BBX: variants seen among roughly 807,000 people sequenced by gnomAD.
BBX encodes the protein BBX high mobility group box domain containing.
A neutral mutation model predicts 100.2 loss-of-function variants in BBX; 30 were observed. That is an observed-to-expected ratio of 0.30 (90% confidence interval 0.22 to 0.41). The LOEUF is 0.41. Among genes scored for constraint, BBX ranks in the 10% least tolerant of loss-of-function variants. BBX has a pLI of 1.00. For missense variants in BBX, 1,023 were observed against 1,129.8 expected, an observed-to-expected ratio of 0.91 and a Z score of 1.35; for synonymous variants, 376 against 388.1, an observed-to-expected ratio of 0.97 and a Z score of 0.37.
intron 2 of BBX, among the ~76,000 whole-genome samples, chr3:107,569,389 AT>A (rs1163615707): frequency 1.3e-5 from 2 of 151,064 alleles, no homozygotes; most frequent in Non-Finnish European, 3.0e-5. Context: ...TTTATTTTTT[AT>A]TTTTTTAATT....
chr3:107,538,688 C>T lies in BBX; in HGVS notation c.-84+12290C>T, dbSNP rs563191869. Among the ~76,000 whole-genome samples the T allele has an allele frequency of 7.2e-5, 11 of 152,086 alleles. 1 individual carries two copies. The South Asian group carries it at 2.3e-3, about 32-fold the overall frequency. On this transcript the variant is annotated intron_variant, in intron 2 of 17. Transcript: ENST00000325805. ...TTACAGATGGAAGCTTTAATATTCC[C>T]AGGTCTCTATATTAACTAATCAATG...
intron 17 of BBX, among the ~76,000 whole-genome samples, chr3:107,803,519 C>G (rs946949224): frequency 1.3e-5 from 2 of 152,200 alleles, no homozygotes; most frequent in African/African-American, 2.4e-5. Context: ...ATGAAAAAAT[C>G]TAACGTTAGG....
chr3:107,801,411 T>A, intron 17 of BBX, 130 bp downstream of exon 17: 1 of 934,670 alleles, frequency 1.1e-6, no homozygotes, highest in Non-Finnish European at 1.6e-6. Flanking sequence ...TTATATGAGG[T>A]ATTACAAAAG....
intron 15 of BBX, among the ~76,000 whole-genome samples, chr3:107,792,872 A>G (rs1042122525): frequency 1.3e-5 from 2 of 152,170 alleles, no homozygotes; most frequent in Non-Finnish European, 2.9e-5. Flanking sequence ...TGTTCTAAGT[A>G]CTTTGTTCTG....
intron 3 of BBX, 72 bp downstream of exon 3, chr3:107,645,981 G>T: frequency 6.5e-6 from 1 of 152,734 alleles, no homozygotes; most frequent in Non-Finnish European, 1.5e-5. Flanking sequence ...ATTATGTGCT[G>T]TCAGAGCTGG....
chr3:107,633,706 C>G (rs2056686682), intron 2 of BBX, among the ~76,000 whole-genome samples: 1 of 152,218 alleles, frequency 6.6e-6, no homozygotes, highest in Non-Finnish European at 1.5e-5. Context: ...GAAAGAATTT[C>G]CTCATACGGA....
chr3:107,614,209 C>T (rs2055077669), intron 2 of BBX, among the ~76,000 whole-genome samples: 1 of 152,038 alleles, frequency 6.6e-6, no homozygotes. Flanking sequence ...CTCGGCCTCC[C>T]AAAGTGCTGG....
rs1323599414 is a variant in BBX at position 107,561,281 on chromosome 3, T to C, written c.-84+34883T>C. 2.0e-5 allele frequency among the ~76,000 whole-genome samples: 3 copies of C among 152,218 alleles called. No individual in the cohort carries two copies. The East Asian group carries it at 5.8e-4, about 29-fold the overall frequency. On this transcript the variant is annotated intron_variant, in intron 2 of 17. Coordinates refer to ENST00000325805, the MANE Select transcript of BBX (RefSeq NM_001142568.3). ...CTTAGGACAGATTGTCCTGGTTATG[T>C]AGAATCCATTCCAAGTGAGGACACA...
At position 107,554,175 on chromosome 3, in the gene BBX, A is replaced by G. The variant is rs566643274; in HGVS notation, c.-84+27777A>G. ...CGGGTATGGGGAAGGCTGTTCCTTT[A>G]CTGGAGAACAGAAGCTGAACATGAA... On this transcript the variant is annotated intron_variant, in intron 2 of 17. Coordinates refer to ENST00000325805, the MANE Select transcript of BBX (RefSeq NM_001142568.3). Among the ~76,000 whole-genome samples the G allele has an allele frequency of 3.5e-4, 54 of 152,334 alleles. 1 individual carries two copies. The highest frequency in any genetic ancestry group is 2.3e-3 in the Admixed American group (35 of 15,310).
At chr3:107,597,252 A>G (rs1189792220) in intron 2 of BBX, among the ~76,000 whole-genome samples, 1 of 152,064 alleles carries the variant, frequency 6.6e-6, no homozygotes, top group African/African-American at 2.4e-5. Context: ...TCCACATTTT[A>G]TCTTTATATA....
At chr3:107,577,026 A>G (rs906291562) in intron 2 of BBX, among the ~76,000 whole-genome samples, 3 of 151,914 alleles carry the variant, frequency 2.0e-5, no homozygotes, top group African/African-American at 7.3e-5. Flanking sequence ...ATGCCCAGCT[A>G]ATTTTTGTAT....
intron 2 of BBX, among the ~76,000 whole-genome samples, chr3:107,562,553 C>G (rs2107480274): frequency 6.6e-6 from 1 of 151,866 alleles, no homozygotes; most frequent in Admixed American, 6.6e-5. Flanking sequence ...GAATTTTAAA[C>G]AAATTAATAT....
Position 107,805,393 on chromosome 3 carries a change from C to CGAG in BBX, c.2762_2763insGAG (p.Thr921_His922insSer). ...AGAGGTCAGAGGTCAACTCCGCTCACCCATGATGGACAGCCAAAAGAAATG... is the reference window on the plus strand; with the variant it reads ...AGAGGTCAGAGGTCAACTCCGCTCACGAGCCATGATGGACAGCCAAAAGAAATG... On this transcript the variant is annotated inframe_insertion, in exon 18 of 18. Coordinates refer to ENST00000325805, the MANE Select transcript of BBX (RefSeq NM_001142568.3). 6.2e-7 allele frequency: 1 copy of CGAG among 1,614,030 alleles called. No individual in the cohort carries two copies. The highest frequency in any genetic ancestry group is 8.5e-7 in the Non-Finnish European group (1 of 1,179,940).
intron 10 of BBX, among the ~76,000 whole-genome samples, chr3:107,770,092 T>C (rs1377515999): frequency 6.6e-6 from 1 of 152,162 alleles, no homozygotes; most frequent in Middle Eastern, 3.2e-3. Flanking sequence ...ACAAGAAATA[T>C]TGTGCTATTT....
intron 10 of BBX, among the ~76,000 whole-genome samples, chr3:107,763,106 T>G (rs908344729): frequency 5.9e-5 from 9 of 152,180 alleles, no homozygotes; most frequent in African/African-American, 2.2e-4. Context: ...TATGTGCAAG[T>G]ATTTCAAAAT....
intron 2 of BBX, among the ~76,000 whole-genome samples, chr3:107,589,417 C>T (rs567122390): frequency 2.9e-4 from 44 of 152,278 alleles, no homozygotes; most frequent in African/African-American, 8.7e-4. Context: ...TGTTTTCTGC[C>T]TTCTAGTCCA....
At chr3:107,774,672 T>G (rs943893246) in intron 11 of BBX, 47 bp from the exon 12 acceptor site, 1 of 1,588,232 alleles carries the variant, frequency 6.3e-7, no homozygotes, top group Non-Finnish European at 8.6e-7. Context: ...TCATCTCCCC[T>G]CGCCCACCTG....
chr3:107,659,855 G>A, intron 3 of BBX: 1 of 791,642 alleles, frequency 1.3e-6, no homozygotes, highest in Non-Finnish European at 1.8e-6. Context: ...CCTAGCAAGA[G>A]GTTTATGGCA....
At chr3:107,651,162 A>G (rs866965584) in intron 3 of BBX, among the ~76,000 whole-genome samples, 25 of 152,338 alleles carry the variant, frequency 1.6e-4, no homozygotes, top group African/African-American at 5.8e-4. Flanking sequence ...AATTTCATCT[A>G]TAACATAGGT....
Sources: allele counts gnomAD v4.1 joint callset (sites outside exome capture counted in the v4.1 genomes callset), GRCh38; gene constraint gnomAD v4.1.1; transcripts MANE v1.5; gene names NCBI Gene and HGNC (gene_info 2026-07-23, HGNC 2026-07-21).